PLIN2: variants seen among roughly 807,000 people sequenced by gnomAD.
PLIN2 encodes the protein perilipin 2.
PLIN2 carries 33 observed loss-of-function variants against 30.6 expected under a neutral mutation model. That is an observed-to-expected ratio of 1.08 (90% CI 0.82 to 1.44). PLIN2 has a LOEUF of 1.44. Among genes scored for constraint, PLIN2 ranks in the 40% most tolerant of loss-of-function variants. PLIN2 has a pLI of 0.00. For missense variants in PLIN2, 610 were observed against 531.8 expected, an observed-to-expected ratio of 1.15 and a Z score of -1.45; for synonymous variants, 205 against 201.1, an observed-to-expected ratio of 1.02 and a Z score of -0.16.
At chr9:19,123,519 A>G (rs1175919290) in intron 4 of PLIN2, 46 bp downstream of exon 4, 1 of 1,613,784 alleles carries the variant, frequency 6.2e-7, no homozygotes, top group East Asian at 2.2e-5. Context: ...ATAGAAGATG[A>G]AAACATGTGA....
Position 19,119,800 on chromosome 9 carries a change from A to G in PLIN2, c.627T>C (p.Asp209=), listed in dbSNP as rs748777747. The G allele has an allele frequency of 6.3e-7, 1 of 1,574,960 alleles. No homozygotes were observed. The highest frequency in any genetic ancestry group is 8.6e-7 in the Non-Finnish European group (1 of 1,159,978). Residue 209 remains aspartate, a synonymous_variant, in exon 6 of 8, where the codon GAT becomes GAC. Transcript: ENST00000276914. ...CATAATAACTTGGCTTCTGAACCAG[A>G]TCAAATCCTTCAACTTTTTTTGCTT... ...EKEAKKVEGF[D]LVQKPSYYVR...
downstream of PLIN2, among the ~76,000 whole-genome samples, chr9:19,114,638 A>T (rs1385610623): frequency 5.3e-5 from 8 of 151,980 alleles, no homozygotes; most frequent in African/African-American, 1.9e-4. Context: ...CCCTGACCTC[A>T]GGTGATCTGC....
At chr9:19,111,059 C>T (rs1818152693), downstream of PLIN2, among the ~76,000 whole-genome samples, 2 of 151,690 alleles carry the variant, frequency 1.3e-5, no homozygotes. Context: ...ACAATCTTAA[C>T]AATTTTTTTT....
At chr9:19,114,489 C>G (rs1032981022), downstream of PLIN2, among the ~76,000 whole-genome samples, 9 of 152,114 alleles carry the variant, frequency 5.9e-5, no homozygotes, top group African/African-American at 2.2e-4. Flanking sequence ...ACTGCAGCCT[C>G]CACCTCCCAG....
At position 19,123,581 on chromosome 9, in the gene PLIN2, T is replaced by C. The variant is rs201123783; in HGVS notation, c.293A>G (p.Asn98Ser). 14 of 1,614,218 alleles carry C rather than the reference T, an allele frequency of 8.7e-6. No homozygotes were observed. Among genetic ancestry groups the C allele is most frequent in the Non-Finnish European group, 1.2e-5 (14 of 1,180,036 alleles). The change falls in exon 4 of 8, where the codon AAT becomes AGT. Residue 98 changes from asparagine to serine, a missense_variant. Physicochemically the swap from Asn to Ser is conservative, Grantham distance 46. Transcript: ENST00000276914. Reference protein sequence around the residue: ...DRIEERLPILNQPSTQIVANA... With the variant: ...DRIEERLPILSQPSTQIVANA... ...CAAGCTCACCTGAGTTGATGGCTGA[T>C]TCAGAATAGGCAGTCTCTCCTCAAT...
Position 19,121,032 on chromosome 9 carries a change from C to T in PLIN2, c.443G>A (p.Ser148Asn), listed in dbSNP as rs1818306660. Residue 148 changes from serine to asparagine, a missense_variant, in exon 5 of 8, where the codon AGT becomes AAT. Coordinates refer to ENST00000276914, the MANE Select transcript of PLIN2 (RefSeq NM_001122.4). ...MDKTKGAVTG[S>N]VEKTKSVVSG... ...GACCACAGACTTGGTCTTCTCCACACTGCCAGTCACTGCCCCTTTGGTCTT... is the reference window on the plus strand; with the variant it reads ...GACCACAGACTTGGTCTTCTCCACATTGCCAGTCACTGCCCCTTTGGTCTT... 1.2e-6 allele frequency: 2 copies of T among 1,614,104 alleles called. No homozygotes were observed. Among genetic ancestry groups the T allele is most frequent in the South Asian group, 2.2e-5 (2 of 91,086 alleles).
At chr9:19,117,161 T>TTTTC (rs968945697) in intron 7 of PLIN2, among the ~76,000 whole-genome samples, 37 of 149,650 alleles carry the variant, frequency 2.5e-4, no homozygotes, top group Admixed American at 5.4e-4. Flanking sequence ...CTTTCTTTTC[T>TTTTC]TTTCTTTCTT....
intron 6 of PLIN2, 32 bp from the exon 7 acceptor site, chr9:19,118,487 A>C (rs776043155): frequency 3.7e-6 from 6 of 1,600,234 alleles, no homozygotes; most frequent in Middle Eastern, 1.7e-4. Context: ...AAAGGAACAC[A>C]CAAGTCAGAT....
At chr9:19,117,707 TC>T (rs1818250508) in intron 7 of PLIN2, among the ~76,000 whole-genome samples, 1 of 151,686 alleles carries the variant, frequency 6.6e-6, no homozygotes, top group African/African-American at 2.4e-5. Flanking sequence ...AACCTCTGCC[TC>T]CCAGGTTCAA....
At chr9:19,119,912 G>T in intron 5 of PLIN2, 81 bp from the exon 6 acceptor site, 1 of 891,832 alleles carries the variant, frequency 1.1e-6, no homozygotes, top group Non-Finnish European at 1.7e-6. Flanking sequence ...CCTGGGTCTT[G>T]ACTTTCTTAC....
At chr9:19,120,559 G>T (rs113871319) in intron 5 of PLIN2, among the ~76,000 whole-genome samples, 3 of 152,216 alleles carry the variant, frequency 2.0e-5, no homozygotes, top group African/African-American at 7.2e-5. Context: ...ATCTATAGAG[G>T]CAAAAAGATT....
At chr9:19,116,674 A>C in intron 7 of PLIN2, 25 bp from the exon 8 acceptor site, 1 of 1,599,784 alleles carries the variant, frequency 6.3e-7, no homozygotes, top group South Asian at 1.1e-5. Context: ...TAAAATTAGC[A>C]GTGGATCCAA....
At chr9:19,123,481 T>G in intron 4 of PLIN2, 84 bp downstream of exon 4, 1 of 1,603,982 alleles carries the variant, frequency 6.2e-7, no homozygotes, top group Non-Finnish European at 8.5e-7. Flanking sequence ...ATTTGCCTGT[T>G]TGTGATATGT....
chr9:19,110,673 A>C (rs1386388493), intron 2 of PLIN2, among the ~76,000 whole-genome samples: 2 of 151,906 alleles, frequency 1.3e-5, no homozygotes, highest in Non-Finnish European at 2.9e-5. Context: ...ATGGGATTTC[A>C]CCATGTTGGC....
intron 4 of PLIN2, among the ~76,000 whole-genome samples, chr9:19,122,224 T>A (rs1396518320): frequency 1.3e-5 from 2 of 150,102 alleles, no homozygotes; most frequent in African/African-American, 4.9e-5. Context: ...AAGTGAAAAA[T>A]TTAAAAGATT....
At chr9:19,115,315 T>C (rs1359935296), downstream of PLIN2, among the ~76,000 whole-genome samples, 2 of 151,512 alleles carry the variant, frequency 1.3e-5, no homozygotes, top group African/African-American at 2.4e-5. Context: ...CTTTTCTTTT[T>C]TTTTTTTTTT....
At chr9:19,109,623 A>G (rs1035743936) in intron 2 of PLIN2, among the ~76,000 whole-genome samples, 6 of 151,562 alleles carry the variant, frequency 4.0e-5, no homozygotes, top group Admixed American at 6.6e-5. Flanking sequence ...TAGTGGAGGA[A>G]AAAATGTAGC....
Position 19,119,844 on chromosome 9 carries a change from A to G in PLIN2, c.596-13T>C, listed in dbSNP as rs752871262. The G allele has an allele frequency of 3.2e-6, 5 of 1,546,970 alleles. No homozygotes were observed. In the Admixed American group the frequency reaches 7.6e-5, roughly 23 times the overall value. The stretch of plus-strand genomic sequence containing the variant: ...TTTGCTTCTTTTTCTGAAGTTAGAA[A>G]TAAGAGACAAAAAAACTTAAGGGAT... On this transcript the variant is annotated splice_polypyrimidine_tract_variant and intron_variant, in intron 5 of 7. Transcript: ENST00000276914.
At chr9:19,120,259 C>T (rs1336624502) in intron 5 of PLIN2, among the ~76,000 whole-genome samples, 1 of 151,976 alleles carries the variant, frequency 6.6e-6, no homozygotes, top group Non-Finnish European at 1.5e-5. Context: ...CCATGTTGCC[C>T]AGGCTAATCT....
Sources: gnomAD v4.1 joint callset for allele counts (sites outside exome capture counted in the v4.1 genomes callset) on GRCh38, gnomAD v4.1.1 for gene constraint, MANE v1.5 for transcripts, NCBI Gene and HGNC (gene_info 2026-07-23, HGNC 2026-07-21) for gene names.